PPTC7: variants seen among roughly 807,000 people sequenced by gnomAD.
PPTC7 encodes protein phosphatase targeting COQ7.
Under a neutral mutation model 30.8 loss-of-function variants are expected in PPTC7, and 6 were observed. The ratio of observed to expected loss-of-function variants is 0.19; its 90% CI spans 0.11 to 0.38. PPTC7 has a LOEUF of 0.38. PPTC7 is among the 10% of genes least tolerant of loss of function. The pLI is 1.00. For missense variants in PPTC7, 218 were observed against 404.8 expected, an observed-to-expected ratio of 0.54 and a Z score of 3.96; for synonymous variants, 163 against 168.1, an observed-to-expected ratio of 0.97 and a Z score of 0.23.
chr12:110,579,457 G>T (rs1445602047), intron 1 of PPTC7, among the ~76,000 whole-genome samples: 2 of 152,124 alleles, frequency 1.3e-5, no homozygotes, highest in Non-Finnish European at 2.9e-5. Flanking sequence ...TCCCTTCAAG[G>T]GTACAGAGCT....
At chr12:110,580,362 G>A (rs148331092) in intron 1 of PPTC7, among the ~76,000 whole-genome samples, 8,864 of 152,100 alleles carry the variant, frequency 0.058, 337 homozygotes, top group Middle Eastern at 0.099. Context: ...TTTTTGAGAC[G>A]GAGTCTTGCT....
intron 1 of PPTC7, among the ~76,000 whole-genome samples, chr12:110,563,647 A>C (rs757994722): frequency 7.2e-5 from 11 of 152,086 alleles, no homozygotes; most frequent in Non-Finnish European, 1.3e-4. Flanking sequence ...AATGGAAACT[A>C]TAGGCAAAAC....
intron 1 of PPTC7, among the ~76,000 whole-genome samples, chr12:110,555,803 T>G (rs566495278): frequency 6.6e-6 from 1 of 152,312 alleles, no homozygotes; most frequent in African/African-American, 2.4e-5. Flanking sequence ...GAATTTAAGA[T>G]CATTTCAATA....
intron 1 of PPTC7, among the ~76,000 whole-genome samples, chr12:110,558,601 G>A (rs147852422): frequency 6.5e-4 from 99 of 152,310 alleles, no homozygotes; most frequent in Middle Eastern, 6.8e-3. Context: ...AGACCATAGG[G>A]CACAGAAAAA....
At chr12:110,540,368 C>A (rs2064249957) in intron 3 of PPTC7, among the ~76,000 whole-genome samples, 1 of 120,526 alleles carries the variant, frequency 8.3e-6, no homozygotes, top group Non-Finnish European at 1.6e-5. Flanking sequence ...GTTGTCGAGG[C>A]TGGAATGCAG....
intron 1 of PPTC7, among the ~76,000 whole-genome samples, chr12:110,569,522 G>C (rs1030111507): frequency 2.0e-5 from 3 of 152,100 alleles, no homozygotes; most frequent in Admixed American, 1.3e-4. Flanking sequence ...TGAGGGGCAG[G>C]AAGACACAGT....
At position 110,583,274 on chromosome 12, in the gene PPTC7, G is replaced by C. The variant is rs1021525410; in HGVS notation, c.-243C>G. ...CCGCCTCAGCCCAACTGAAGTCCCG[G>C]CTGCAGCGGCCGCCGCCGCCGCCGC... On this transcript the variant is annotated 5_prime_UTR_variant, in exon 1 of 6. Transcript: ENST00000354300. 22 of 160,862 alleles carry C rather than the reference G, an allele frequency of 1.4e-4. No homozygotes were observed. The highest frequency in any genetic ancestry group is 3.9e-5 in the Non-Finnish European group (3 of 76,076). The allele number at this position is 160,862 out of a possible 1,614,324, so 10.0% of individuals were successfully genotyped here. A position where few individuals can be genotyped will look rare whatever the true frequency, so the allele number is the denominator to read the frequency against.
chr12:110,550,443 G>A (rs980829737), intron 2 of PPTC7, among the ~76,000 whole-genome samples: 3 of 151,880 alleles, frequency 2.0e-5, no homozygotes, highest in Non-Finnish European at 4.4e-5. Context: ...TGTTAGCCAC[G>A]ATGGTCTCAA....
At chr12:110,582,459 CT>C (rs2064645841) in intron 1 of PPTC7, among the ~76,000 whole-genome samples, 1 of 152,196 alleles carries the variant, frequency 6.6e-6, no homozygotes, top group African/African-American at 2.4e-5. Context: ...GGTTAGGAGC[CT>C]GCAGGTGTCG....
intron 1 of PPTC7, among the ~76,000 whole-genome samples, chr12:110,561,218 T>C (rs1341529035): frequency 6.6e-6 from 1 of 152,124 alleles, no homozygotes; most frequent in Non-Finnish European, 1.5e-5. Flanking sequence ...CATCACAGCA[T>C]GAAGCACTGT....
intron 1 of PPTC7, among the ~76,000 whole-genome samples, chr12:110,557,171 A>G (rs1163370975): frequency 6.6e-6 from 1 of 152,240 alleles, no homozygotes; most frequent in Non-Finnish European, 1.5e-5. Context: ...TATTGAGTCT[A>G]AAATCTCACT....
At chr12:110,556,985 G>A (rs983074212) in intron 1 of PPTC7, among the ~76,000 whole-genome samples, 3 of 152,136 alleles carry the variant, frequency 2.0e-5, no homozygotes, top group Non-Finnish European at 2.9e-5. Flanking sequence ...AGGATAACAA[G>A]AGGAAAAGAA....
intron 1 of PPTC7, among the ~76,000 whole-genome samples, chr12:110,579,962 G>A (rs1382760258): frequency 1.3e-5 from 2 of 151,714 alleles, no homozygotes; most frequent in Non-Finnish European, 2.9e-5. Flanking sequence ...GCAGTGAGCC[G>A]AGATGGCGCC....
intron 1 of PPTC7, among the ~76,000 whole-genome samples, chr12:110,574,511 C>T (rs2064570415): frequency 6.6e-6 from 1 of 152,138 alleles, no homozygotes; most frequent in Admixed American, 6.5e-5. Flanking sequence ...TCCTCAACCC[C>T]CAATCCTGTT....
chr12:110,574,206 T>C (rs1297624281), intron 1 of PPTC7, among the ~76,000 whole-genome samples: 2 of 131,322 alleles, frequency 1.5e-5, no homozygotes, highest in African/African-American at 2.9e-5. Flanking sequence ...GCAAGAGACC[T>C]AGGTTCAAGT....
intron 3 of PPTC7, among the ~76,000 whole-genome samples, chr12:110,542,812 GA>G (rs559154122): frequency 1.4e-4 from 21 of 145,888 alleles, no homozygotes; most frequent in Non-Finnish European, 2.7e-4. Context: ...TACAACTCTT[GA>G]AAAAAAAAAC....
At chr12:110,541,700 CA>C (rs748911395) in intron 3 of PPTC7, among the ~76,000 whole-genome samples, 15,490 of 66,506 alleles carry the variant, frequency 0.23, 734 homozygotes, top group African/African-American at 0.34. Context: ...AACTCCGTCT[CA>C]AAAAAAAAAA....
chr12:110,546,447 A>G (rs534565360), intron 2 of PPTC7: 6 of 195,106 alleles, frequency 3.1e-5, no homozygotes, highest in African/African-American at 1.4e-4. Context: ...AAGTTTTAAT[A>G]CTTCAATGCC....
At position 110,535,733 on chromosome 12, in the gene PPTC7, A is replaced by AC. The variant is rs2064213511; in HGVS notation, c.*1303dup. Reference sequence around the variant, plus strand: ...ACCACCAAGTTAATGAAGGAAAAAAACTGACCCAAAAATATATATCTTTAC... The same window carrying AC: ...ACCACCAAGTTAATGAAGGAAAAAAACCTGACCCAAAAATATATATCTTTAC... On this transcript the variant is annotated 3_prime_UTR_variant, in exon 6 of 6. Transcript: ENST00000354300. 6.6e-6 allele frequency: 1 copy of AC among 152,620 alleles called. No individual in the cohort carries two copies. Among genetic ancestry groups the AC allele is most frequent in the Non-Finnish European group, 1.5e-5 (1 of 68,036 alleles). 9.5% of individuals were successfully genotyped at this position (152,620 alleles called of 1,614,324 possible).
Sources: allele counts gnomAD v4.1 joint callset (sites outside exome capture counted in the v4.1 genomes callset), GRCh38; gene constraint gnomAD v4.1.1; transcripts MANE v1.5; gene names NCBI Gene and HGNC (gene_info 2026-07-23, HGNC 2026-07-21).